OXR1: variants seen among roughly 807,000 people sequenced by gnomAD.
The protein encoded by OXR1 is oxidation resistance 1, also known as oxidation resistance protein 1.
In OXR1, 41 loss-of-function variants were observed where a neutral mutation model predicts 104.6. The observed-to-expected ratio is 0.39, with a 90% CI of 0.31 to 0.51. OXR1 has a LOEUF of 0.51. Among genes scored for constraint, OXR1 ranks in the 20% least tolerant of loss-of-function variants. OXR1 has a pLI of 0.77. For synonymous variants in OXR1, 348 were observed against 348.4 expected (o/e 1.00, Z 0.01); for missense variants, 955 against 1,031.9 (o/e 0.93, Z 1.02).
At chr8:106,740,664 A>T (rs895368823) in intron 14 of OXR1, among the ~76,000 whole-genome samples, 169 bp downstream of exon 14, 1 of 152,180 alleles carries the variant, frequency 6.6e-6, no homozygotes, top group Non-Finnish European at 1.5e-5. Flanking sequence ...GAGGATAGAT[A>T]TGAGCATGAT....
chr8:106,323,860 A>G (rs1262501502), intron 1 of OXR1, among the ~76,000 whole-genome samples: 1 of 152,186 alleles, frequency 6.6e-6, no homozygotes, highest in Non-Finnish European at 1.5e-5. Flanking sequence ...TAAAAAAATA[A>G]TAGATGCTGG....
chr8:106,735,327 A>G lies in OXR1; in HGVS notation c.1957-2193A>G, dbSNP rs910683270. Among the ~76,000 whole-genome samples, 5 of 152,068 alleles carry G rather than the reference A, an allele frequency of 3.3e-5. No individual in the cohort carries two copies. In the East Asian group the frequency reaches 7.7e-4, roughly 23 times the overall value. ...CTAGAAAAAAATATAATTGAAAAAA[A>G]TAAATTTGAAAGAGTAGATTTGTGA... On this transcript the variant is annotated intron_variant, in intron 11 of 16. Coordinates refer to ENST00000517566, the MANE Select transcript of OXR1 (RefSeq NM_001198533.2).
chr8:106,504,574 T>A (rs1812030308), intron 2 of OXR1, among the ~76,000 whole-genome samples: 2 of 152,202 alleles, frequency 1.3e-5, no homozygotes, highest in Non-Finnish European at 2.9e-5. Flanking sequence ...TAGCACGAGC[T>A]CAAGAAATCT....
chr8:106,577,362 C>T, intron 3 of OXR1, among the ~76,000 whole-genome samples: 1 of 146,840 alleles, frequency 6.8e-6, no homozygotes, highest in South Asian at 2.2e-4. Flanking sequence ...AGGCGCCCGC[C>T]ACTATGCCCA....
rs74926113 is a variant in OXR1, at chr8:106,398,368, G to C, written c.23+38732G>C. On this transcript the variant is annotated intron_variant, in intron 2 of 16. Coordinates refer to ENST00000517566, the MANE Select transcript of OXR1 (RefSeq NM_001198533.2). ...TACAGAGTGCAGCCTGGGCATCAGA[G>C]TGTTTAAAAGCATTTTCCCAGATGA... 4.6e-5 allele frequency among the ~76,000 whole-genome samples: 7 copies of C among 152,202 alleles called. No homozygotes were observed. The South Asian group carries it at 1.2e-3, about 27-fold the overall frequency.
At chr8:106,578,307 T>C (rs1361377232) in intron 3 of OXR1, among the ~76,000 whole-genome samples, 2 of 152,190 alleles carry the variant, frequency 1.3e-5, no homozygotes, top group African/African-American at 2.4e-5. Flanking sequence ...CTTAGTGTCA[T>C]CAACTTGATA....
chr8:106,563,728 C>T lies in OXR1; in HGVS notation c.220+44589C>T, dbSNP rs557028002. Among the ~76,000 whole-genome samples, 32 of 152,158 alleles carry T rather than the reference C, an allele frequency of 2.1e-4. 1 individual carries two copies. The highest frequency in any genetic ancestry group is 6.2e-4 in the South Asian group (3 of 4,812). ...ATAGCACTTATTCTAAAATTGACTA[C>T]GTAATTGGAAGTGAAACACTCCTCA... On this transcript the variant is annotated intron_variant, in intron 3 of 16. Transcript: ENST00000517566.
intron 1 of OXR1, among the ~76,000 whole-genome samples, chr8:106,277,240 C>T (rs1296251963): frequency 1.3e-5 from 2 of 152,114 alleles, no homozygotes; most frequent in Non-Finnish European, 2.9e-5. Context: ...TTAGCACCAC[C>T]CAAGTTTGTA....
At chr8:106,587,295 G>A (rs1818704114) in intron 3 of OXR1, among the ~76,000 whole-genome samples, 2 of 152,140 alleles carry the variant, frequency 1.3e-5, no homozygotes, top group Admixed American at 1.3e-4. Flanking sequence ...GTAAAGTAGG[G>A]ACCAAGATTA....
chr8:106,639,723 A>G (rs1350984), intron 3 of OXR1, among the ~76,000 whole-genome samples: 54,299 of 152,016 alleles, frequency 0.36, 10,314 homozygotes, highest in African/African-American at 0.48. Flanking sequence ...TTGATAAAAT[A>G]AGATGTGGCA....
intron 3 of OXR1, among the ~76,000 whole-genome samples, chr8:106,625,709 C>T (rs549138075): frequency 1.7e-4 from 26 of 152,224 alleles, no homozygotes; most frequent in African/African-American, 6.0e-4. Flanking sequence ...TAGGTCTCCT[C>T]GCTTAGCCAT....
chr8:106,423,337 T>C (rs897614312), intron 2 of OXR1, among the ~76,000 whole-genome samples: 1 of 152,214 alleles, frequency 6.6e-6, no homozygotes, highest in Non-Finnish European at 1.5e-5. Context: ...AGTCGTCAAC[T>C]ATCCTTTTGA....
At chr8:106,737,859 TGAG>T (rs775448237) in intron 12 of OXR1, among the ~76,000 whole-genome samples, 28 of 152,198 alleles carry the variant, frequency 1.8e-4, no homozygotes, top group African/African-American at 4.6e-4. Context: ...CTTTCAGCGA[TGAG>T]GAGTTTTCAT....
At chr8:106,493,521 G>GT (rs5893794) in intron 2 of OXR1, among the ~76,000 whole-genome samples, 152,246 of 152,256 alleles carry the variant, frequency 1, 76,118 homozygotes, top group Non-Finnish European at 1. Flanking sequence ...AATAAGCAGT[G>GT]TAATTAACTT....
At chr8:106,614,931 G>T (rs191557153) in intron 3 of OXR1, among the ~76,000 whole-genome samples, 23 of 152,240 alleles carry the variant, frequency 1.5e-4, no homozygotes, top group Admixed American at 1.4e-3. Context: ...GCCCTCCTTT[G>T]CATATTCCGC....
intron 1 of OXR1, among the ~76,000 whole-genome samples, chr8:106,274,784 T>C (rs941674717): frequency 3.3e-5 from 5 of 152,198 alleles, no homozygotes; most frequent in Non-Finnish European, 7.3e-5. Context: ...TTCAATTGCA[T>C]ATTCTTGCTA....
intron 2 of OXR1, among the ~76,000 whole-genome samples, chr8:106,438,236 G>A (rs985596824): frequency 6.6e-6 from 1 of 151,972 alleles, no homozygotes; most frequent in African/African-American, 2.4e-5. Context: ...CAAATCCAGA[G>A]TCATCTAAAT....
At chr8:106,341,397 A>ATATATATATATATATATAT (rs1250992039) in intron 1 of OXR1, among the ~76,000 whole-genome samples, 3 of 150,998 alleles carry the variant, frequency 2.0e-5, no homozygotes, top group African/African-American at 7.4e-5. Context: ...CTACATATAT[A>ATATATATATATATATATAT]TATATATATA....
intron 2 of OXR1, among the ~76,000 whole-genome samples, chr8:106,434,856 A>G (rs1191760840): frequency 6.6e-6 from 1 of 152,204 alleles, no homozygotes; most frequent in Non-Finnish European, 1.5e-5. Flanking sequence ...TATGAATAAA[A>G]TCATTGAGGT....
Sources: gnomAD v4.1 joint callset for allele counts (sites outside exome capture counted in the v4.1 genomes callset) on GRCh38, gnomAD v4.1.1 for gene constraint, MANE v1.5 for transcripts, NCBI Gene and HGNC (gene_info 2026-07-23, HGNC 2026-07-21) for gene names.